Variants in RBFOX1 observed in about 807,000 individuals in gnomAD.
The protein encoded by RBFOX1 is RNA binding protein fox-1 homolog 1.
A neutral mutation model predicts 57.7 loss-of-function variants in RBFOX1; 8 were observed. That is an observed-to-expected ratio of 0.14 (90% CI 0.08 to 0.25). The LOEUF (loss-of-function observed/expected upper bound fraction) is 0.25, where lower values mean the gene tolerates loss of function less well. Ranked by LOEUF, RBFOX1 falls within the 10% of genes least tolerant of loss-of-function variation. RBFOX1 has a pLI of 1.00. For synonymous variants in RBFOX1, 326 were observed against 222.4 expected (o/e 1.47, Z -4.15); for missense variants, 611 against 548.5 (o/e 1.11, Z -1.14).
chr16:6,616,491 A>C (rs866341262), intron 2 of RBFOX1, among the ~76,000 whole-genome samples: 6 of 152,202 alleles, frequency 3.9e-5, no homozygotes, highest in Middle Eastern at 3.4e-3. Flanking sequence ...CCTGGCTAAC[A>C]AGGTGAAACC....
At position 6,194,840 on chromosome 16, in the gene RBFOX1, C is replaced by T. The variant is rs79828926; in HGVS notation, c.-126-122155C>T. Reference sequence around the variant, plus strand: ...GCAAGAGCTTTATGTTTATCTCTATCCTTAGTGATTAATATGGTATGTCAT... The same window carrying T: ...GCAAGAGCTTTATGTTTATCTCTATTCTTAGTGATTAATATGGTATGTCAT... On this transcript the variant is annotated intron_variant, in intron 1 of 15. Transcript: ENST00000550418. Among the ~76,000 whole-genome samples the T allele has an allele frequency of 4.3e-3, 653 of 152,250 alleles. 9 individuals are homozygous for T. Among genetic ancestry groups the T allele is most frequent in the Admixed American group, 0.011 (171 of 15,300 alleles).
At chr16:5,412,117 C>A (rs2067037676) in intron 1 of RBFOX1, among the ~76,000 whole-genome samples, 1 of 152,096 alleles carries the variant, frequency 6.6e-6, no homozygotes, top group Admixed American at 6.5e-5. Flanking sequence ...CTGAGACTGA[C>A]ATGGCTTTTT....
chr16:7,271,105 T>C (rs1347041091), intron 4 of RBFOX1, among the ~76,000 whole-genome samples: 2 of 152,176 alleles, frequency 1.3e-5, no homozygotes, highest in African/African-American at 2.4e-5. Context: ...TGTATCACAT[T>C]GTGCACATTT....
intron 2 of RBFOX1, among the ~76,000 whole-genome samples, chr16:5,474,855 C>T (rs1490450073): frequency 2.6e-5 from 4 of 152,150 alleles, no homozygotes; most frequent in South Asian, 2.1e-4. Flanking sequence ...ATTCTGAGCC[C>T]ATGCTATTTG....
At chr16:5,336,470 A>G (rs952303407) in intron 1 of RBFOX1, among the ~76,000 whole-genome samples, 1 of 152,168 alleles carries the variant, frequency 6.6e-6, no homozygotes, top group Non-Finnish European at 1.5e-5. Flanking sequence ...GAGATCATGC[A>G]TGGGGGTGCT....
At chr16:7,283,656 T>G (rs1425521917) in intron 4 of RBFOX1, among the ~76,000 whole-genome samples, 1 of 152,106 alleles carries the variant, frequency 6.6e-6, no homozygotes, top group Non-Finnish European at 1.5e-5. Flanking sequence ...TTTCTTTAAT[T>G]GGCATCTTCT....
intron 4 of RBFOX1, among the ~76,000 whole-genome samples, chr16:7,221,736 G>C (rs571298948): frequency 6.6e-6 from 1 of 152,160 alleles, no homozygotes; most frequent in Non-Finnish European, 1.5e-5. Context: ...CAAAATTTCA[G>C]TGTGGTTATT....
intron 4 of RBFOX1, among the ~76,000 whole-genome samples, chr16:7,404,792 A>G (rs1568669283): frequency 6.6e-6 from 1 of 152,192 alleles, no homozygotes; most frequent in Non-Finnish European, 1.5e-5. Flanking sequence ...AGAATGCACA[A>G]TAGGTTATCA....
At chr16:5,535,515 C>T (rs187453374) in intron 2 of RBFOX1, among the ~76,000 whole-genome samples, 1 of 152,198 alleles carries the variant, frequency 6.6e-6, no homozygotes, top group Admixed American at 6.5e-5. Flanking sequence ...ACAAATCCAG[C>T]TGGCAAAATT....
At chr16:5,536,154 C>T (rs2044689034) in intron 2 of RBFOX1, among the ~76,000 whole-genome samples, 1 of 146,050 alleles carries the variant, frequency 6.8e-6, no homozygotes, top group African/African-American at 2.5e-5. Context: ...TTATTTCTCT[C>T]CTCTCATATT....
rs76246871 is a variant in RBFOX1, at chr16:7,240,342, T to C, written c.27+188244T>C. ...TCATCAGGTAGTGTTCTAAGTACTT[T>C]ACATATATTAATGATCTTCACTATG... On this transcript the variant is annotated intron_variant, in intron 4 of 15. Transcript: ENST00000550418. Among the ~76,000 whole-genome samples the C allele has an allele frequency of 3.3e-3, 504 of 152,304 alleles. 5 individuals are homozygous for C. The highest frequency in any genetic ancestry group is 0.012 in the African/African-American group (481 of 41,574).
At chr16:5,817,457 A>G (rs1221713873) in intron 3 of RBFOX1, among the ~76,000 whole-genome samples, 1 of 152,164 alleles carries the variant, frequency 6.6e-6, no homozygotes, top group Non-Finnish European at 1.5e-5. Flanking sequence ...ATGTCTTTTC[A>G]ATGAGTAAGA....
chr16:5,625,534 T>TTTTATTTA (rs764734485), intron 3 of RBFOX1, among the ~76,000 whole-genome samples: 55 of 81,406 alleles, frequency 6.8e-4, no homozygotes, highest in African/African-American at 2.0e-3. Context: ...TAATATTTTT[T>TTTTATTTA]GTTATTTATT....
At chr16:5,344,021 CT>C (rs1567361449) in intron 1 of RBFOX1, among the ~76,000 whole-genome samples, 1 of 152,162 alleles carries the variant, frequency 6.6e-6, no homozygotes, top group East Asian at 1.9e-4. Flanking sequence ...GCTTATGCCT[CT>C]TATGCTTCTC....
At chr16:5,657,439 A>C (rs2151380003) in intron 3 of RBFOX1, among the ~76,000 whole-genome samples, 1 of 152,286 alleles carries the variant, frequency 6.6e-6, no homozygotes, top group African/African-American at 2.4e-5. Context: ...ACTCACAATC[A>C]CAGGACCAGT....
intron 3 of RBFOX1, among the ~76,000 whole-genome samples, chr16:6,803,240 G>A (rs1011000547): frequency 6.6e-6 from 1 of 152,062 alleles, no homozygotes. Flanking sequence ...TGACATTGCT[G>A]TTAGCTTTCT....
intron 1 of RBFOX1, among the ~76,000 whole-genome samples, chr16:5,461,365 G>A (rs113355416): frequency 6.6e-6 from 1 of 152,234 alleles, no homozygotes; most frequent in African/African-American, 2.4e-5. Flanking sequence ...TTCCCCTGGA[G>A]GCACTCATTT....
chr16:7,157,520 C>T (rs934392042), intron 4 of RBFOX1, among the ~76,000 whole-genome samples: 3 of 152,046 alleles, frequency 2.0e-5, no homozygotes, highest in African/African-American at 4.8e-5. Flanking sequence ...TGGAACTATT[C>T]AGAATCCAGT....
At chr16:5,465,207 C>T (rs930227646) in intron 1 of RBFOX1, among the ~76,000 whole-genome samples, 1 of 152,186 alleles carries the variant, frequency 6.6e-6, no homozygotes, top group Non-Finnish European at 1.5e-5. Context: ...TCTGAGGCCC[C>T]TCTCCTTGCC....
Sources: gnomAD v4.1 joint callset for allele counts (sites outside exome capture counted in the v4.1 genomes callset) on GRCh38, gnomAD v4.1.1 for gene constraint, MANE v1.5 for transcripts, NCBI Gene and HGNC (gene_info 2026-07-23, HGNC 2026-07-21) for gene names.